Variants in PDGFC observed in about 807,000 individuals in gnomAD.
The protein encoded by PDGFC is platelet derived growth factor C.
Under a neutral mutation model 35.5 loss-of-function variants are expected in PDGFC, and 12 were observed. The observed-to-expected ratio is 0.34, with a 90% CI of 0.22 to 0.55. PDGFC has a LOEUF of 0.55. Among genes scored for constraint, PDGFC ranks in the 20% least tolerant of loss-of-function variants. The pLI is 0.91. For synonymous variants in PDGFC, 159 were observed against 148.8 expected (o/e 1.07, Z -0.50); for missense variants, 322 against 412.4 (o/e 0.78, Z 1.90).
At chr4:156,903,683 G>C (rs1274583432) in intron 1 of PDGFC, among the ~76,000 whole-genome samples, 1 of 152,100 alleles carries the variant, frequency 6.6e-6, no homozygotes, top group Non-Finnish European at 1.5e-5. Context: ...ATACCTGCCA[G>C]TGAAATAATC....
chr4:156,853,022 A>G (rs542072849), intron 1 of PDGFC, among the ~76,000 whole-genome samples: 1 of 152,344 alleles, frequency 6.6e-6, no homozygotes, highest in Non-Finnish European at 1.5e-5. Flanking sequence ...ACAAGAATTC[A>G]GTCACGTGGT....
chr4:156,802,685 G>A (rs1731647212), intron 3 of PDGFC, among the ~76,000 whole-genome samples: 1 of 151,998 alleles, frequency 6.6e-6, no homozygotes, highest in African/African-American at 2.4e-5. Context: ...TTGGTAACCA[G>A]TATTTATACT....
intron 1 of PDGFC, among the ~76,000 whole-genome samples, chr4:156,934,158 G>A (rs953244528): frequency 5.3e-5 from 8 of 152,088 alleles, no homozygotes; most frequent in African/African-American, 1.7e-4. Context: ...GTGTCTTTAG[G>A]CGATTTTGTC....
intron 3 of PDGFC, among the ~76,000 whole-genome samples, chr4:156,774,655 T>C (rs1730777481): frequency 6.7e-6 from 1 of 149,458 alleles, no homozygotes; most frequent in Non-Finnish European, 1.5e-5. Flanking sequence ...TTTCATCCTT[T>C]TTTTTTTTTT....
intron 1 of PDGFC, among the ~76,000 whole-genome samples, chr4:156,851,318 T>A (rs1408534296): frequency 6.6e-6 from 1 of 152,226 alleles, no homozygotes; most frequent in Non-Finnish European, 1.5e-5. Flanking sequence ...CACTTCTCAA[T>A]GCATGAATAC....
At chr4:156,893,612 A>G (rs1242580184) in intron 1 of PDGFC, among the ~76,000 whole-genome samples, 1 of 151,932 alleles carries the variant, frequency 6.6e-6, no homozygotes, top group African/African-American at 2.4e-5. Flanking sequence ...TGCTGGGATT[A>G]CAGGCAAGAA....
chr4:156,943,732 C>A (rs1731870441), intron 1 of PDGFC, among the ~76,000 whole-genome samples: 1 of 152,000 alleles, frequency 6.6e-6, no homozygotes, highest in Non-Finnish European at 1.5e-5. Flanking sequence ...GCCAGAAGTC[C>A]CTGTGAACTA....
chr4:156,970,606 G>A (rs1365872439), intron 1 of PDGFC, among the ~76,000 whole-genome samples, 180 bp downstream of exon 1: 1 of 152,156 alleles, frequency 6.6e-6, no homozygotes. Context: ...GGCAGCTCCC[G>A]AAGTTGCAAA....
intron 1 of PDGFC, among the ~76,000 whole-genome samples, chr4:156,892,525 A>T (rs184457976): frequency 6.6e-6 from 1 of 152,340 alleles, no homozygotes; most frequent in Non-Finnish European, 1.5e-5. Context: ...ATAAATCATA[A>T]CAGAATGCTG....
intron 1 of PDGFC, among the ~76,000 whole-genome samples, chr4:156,857,815 C>T (rs993183723): frequency 4.6e-5 from 7 of 152,070 alleles, no homozygotes; most frequent in African/African-American, 1.2e-4. Flanking sequence ...AGTGAGATTT[C>T]GAACTCCTGC....
At chr4:156,938,786 T>C (rs774235690) in intron 1 of PDGFC, among the ~76,000 whole-genome samples, 25 of 151,704 alleles carry the variant, frequency 1.6e-4, no homozygotes, top group Non-Finnish European at 3.2e-4. Context: ...GTATATTTAA[T>C]ACTTTAATGA....
chr4:156,875,494 C>T (rs1297636090), intron 1 of PDGFC, among the ~76,000 whole-genome samples: 1 of 152,256 alleles, frequency 6.6e-6, no homozygotes, highest in South Asian at 2.1e-4. Context: ...AAAACCTAGT[C>T]TCACCAGATG....
chr4:156,959,046 C>A (rs1732277175), intron 1 of PDGFC, among the ~76,000 whole-genome samples: 1 of 151,858 alleles, frequency 6.6e-6, no homozygotes, highest in African/African-American at 2.4e-5. Flanking sequence ...CATGTCTGAG[C>A]CCAGAAGGAA....
chr4:156,775,101 TTTTCTA>T (rs1243298001), intron 3 of PDGFC, among the ~76,000 whole-genome samples: 1 of 152,170 alleles, frequency 6.6e-6, no homozygotes, highest in African/African-American at 2.4e-5. Context: ...TTACCCAGTG[TTTTCTA>T]TAATTGTCCA....
chr4:156,903,034 C>A, intron 1 of PDGFC, among the ~76,000 whole-genome samples: 1 of 151,640 alleles, frequency 6.6e-6, no homozygotes, highest in Non-Finnish European at 1.5e-5. Flanking sequence ...ATAAATTCCA[C>A]CCTCATGACA....
chr4:156,932,654 C>A lies in PDGFC; in HGVS notation c.118+38132G>T, dbSNP rs12512371. On this transcript the variant is annotated intron_variant, in intron 1 of 5. Transcript: ENST00000502773. ...AGCAAACTATCTCAAGGACAAAAAA[C>A]CAAACACAGCATGTTCTCACTCACA... 3.2e-3 allele frequency among the ~76,000 whole-genome samples: 481 copies of A among 149,340 alleles called. 13 individuals are homozygous for A. Among genetic ancestry groups the A allele is most frequent in the Admixed American group, 0.026 (384 of 14,758 alleles).
chr4:156,778,600 G>GA (rs1730891964), intron 3 of PDGFC, among the ~76,000 whole-genome samples: 1 of 152,020 alleles, frequency 6.6e-6, no homozygotes, highest in Non-Finnish European at 1.5e-5. Context: ...TTAGAAAAAA[G>GA]AAAAGCTGAC....
At chr4:156,824,399 TAC>T (rs1732383442) in intron 2 of PDGFC, among the ~76,000 whole-genome samples, 1 of 146,638 alleles carries the variant, frequency 6.8e-6, no homozygotes, top group Non-Finnish European at 1.5e-5. Flanking sequence ...CACATATATA[TAC>T]ACACATATAT....
intron 1 of PDGFC, among the ~76,000 whole-genome samples, chr4:156,893,404 A>G (rs914665581): frequency 3.3e-5 from 5 of 151,990 alleles, no homozygotes; most frequent in South Asian, 2.1e-4. Context: ...GCAATCACAC[A>G]CTGCAGCCTC....
Sources: allele counts gnomAD v4.1 joint callset (sites outside exome capture counted in the v4.1 genomes callset), GRCh38; gene constraint gnomAD v4.1.1; transcripts MANE v1.5; gene names NCBI Gene and HGNC (gene_info 2026-07-23, HGNC 2026-07-21).